NME7: variants seen among roughly 807,000 people sequenced by gnomAD.
The protein encoded by NME7 is NME/NM23 family member 7.
Under a neutral mutation model 49.1 loss-of-function variants are expected in NME7, and 41 were observed. The ratio of observed to expected loss-of-function variants is 0.83; its 90% CI spans 0.65 to 1.08. The LOEUF is 1.08. NME7 is among the 50% of genes least tolerant of loss of function. NME7 has a pLI of 0.00. For synonymous variants in NME7, 139 were observed against 150.6 expected, an observed-to-expected ratio of 0.92 and a Z score of 0.56; for missense variants, 423 against 463.4, an observed-to-expected ratio of 0.91 and a Z score of 0.80.
intron 10 of NME7, among the ~76,000 whole-genome samples, chr1:169,197,373 A>G (rs2101772391): frequency 6.6e-6 from 1 of 151,858 alleles, no homozygotes; most frequent in East Asian, 2.0e-4. Context: ...CTCTATAATC[A>G]TGACTAAAAA....
intron 7 of NME7, among the ~76,000 whole-genome samples, chr1:169,262,677 G>A (rs764014871): frequency 1.5e-5 from 2 of 133,160 alleles, no homozygotes; most frequent in Non-Finnish European, 3.5e-5. Context: ...TCTTCAACAC[G>A]GGAAAGGGTG....
chr1:169,271,246 C>CT (rs1649481854), intron 7 of NME7, among the ~76,000 whole-genome samples: 1 of 133,386 alleles, frequency 7.5e-6, no homozygotes, highest in African/African-American at 2.5e-5. Flanking sequence ...ATGACTACTA[C>CT]TTGTGCCAAG....
At chr1:169,157,066 A>G (rs1379521764) in intron 11 of NME7, among the ~76,000 whole-genome samples, 1 of 152,164 alleles carries the variant, frequency 6.6e-6, no homozygotes, top group African/African-American at 2.4e-5. Flanking sequence ...ATACATAATA[A>G]TTGTTCACAT....
intron 1 of NME7, among the ~76,000 whole-genome samples, chr1:169,355,807 T>A (rs1653451804): frequency 6.6e-6 from 1 of 152,154 alleles, no homozygotes; most frequent in Admixed American, 6.6e-5. Flanking sequence ...CCTCAAATTA[T>A]ACTACATATT....
intron 1 of NME7, among the ~76,000 whole-genome samples, chr1:169,356,591 A>AT (rs1454413337): frequency 6.6e-6 from 1 of 152,192 alleles, no homozygotes; most frequent in African/African-American, 2.4e-5. Flanking sequence ...ACTACCTCAA[A>AT]TAATTCTGAA....
At chr1:169,207,787 A>G (rs1300539024) in intron 10 of NME7, among the ~76,000 whole-genome samples, 2 of 152,118 alleles carry the variant, frequency 1.3e-5, no homozygotes, top group South Asian at 2.1e-4. Context: ...CAAAGATCTG[A>G]TGCGGTGGGG....
At chr1:169,174,843 G>A (rs1490427542) in intron 10 of NME7, among the ~76,000 whole-genome samples, 2 of 152,208 alleles carry the variant, frequency 1.3e-5, no homozygotes, top group African/African-American at 4.8e-5. Flanking sequence ...AGTGAGTGGT[G>A]AGTGAGTGTG....
intron 1 of NME7, among the ~76,000 whole-genome samples, chr1:169,362,624 C>T (rs975177169): frequency 6.6e-6 from 1 of 152,164 alleles, no homozygotes; most frequent in Non-Finnish European, 1.5e-5. Context: ...GGAAGCCTCA[C>T]CAACAGAGCA....
intron 10 of NME7, among the ~76,000 whole-genome samples, chr1:169,182,714 C>T (rs988712936): frequency 2.0e-5 from 3 of 152,200 alleles, no homozygotes; most frequent in Admixed American, 6.5e-5. Context: ...TTATATCCAA[C>T]ACACAGAATC....
intron 1 of NME7, 130 bp from the exon 2 acceptor site, chr1:169,324,630 T>C: frequency 1.7e-6 from 1 of 601,240 alleles, no homozygotes; most frequent in South Asian, 2.2e-5. Flanking sequence ...TGAATGTTTC[T>C]GCTTTTCAAC....
chr1:169,237,756 A>T lies in NME7; in HGVS notation c.755-69T>A, dbSNP rs1054733564. On this transcript the variant is annotated intron_variant, in intron 7 of 11. Transcript: ENST00000367811. ...ACATTTTAGTTTCTTAGAAATGCAA[A>T]TTTTTTATAGCAAAGTACTTTTTGT... 4.2e-6 allele frequency: 5 copies of T among 1,199,002 alleles called. No homozygotes were observed. In the African/African-American group the frequency reaches 6.1e-5, roughly 15 times the overall value. 74.3% of individuals were successfully genotyped at this position (1,199,002 alleles called of 1,614,324 possible). A position where few individuals can be genotyped will look rare whatever the true frequency, so the allele number is the denominator to read the frequency against.
At chr1:169,225,032 GAGA>G in intron 10 of NME7, among the ~76,000 whole-genome samples, 1 of 152,272 alleles carries the variant, frequency 6.6e-6, no homozygotes, top group South Asian at 2.1e-4. Flanking sequence ...AAGACAATAA[GAGA>G]AGGATATAGA....
intron 10 of NME7, among the ~76,000 whole-genome samples, chr1:169,183,888 T>C (rs1444853298): frequency 6.6e-6 from 1 of 152,186 alleles, no homozygotes; most frequent in Non-Finnish European, 1.5e-5. Context: ...TAAATCAGAA[T>C]ATGCCATTTC....
At chr1:169,317,278 C>T (rs761643326) in intron 3 of NME7, among the ~76,000 whole-genome samples, 17 of 152,186 alleles carry the variant, frequency 1.1e-4, no homozygotes, top group Non-Finnish European at 2.2e-4. Context: ...AAAGGAAATT[C>T]AACTCTAATC....
At chr1:169,304,558 G>A (rs533892528) in intron 4 of NME7, among the ~76,000 whole-genome samples, 118 of 152,060 alleles carry the variant, frequency 7.8e-4, no homozygotes, top group Admixed American at 1.8e-3. Context: ...AATTCATCCC[G>A]AGACATGGAA....
At chr1:169,178,486 T>C (rs1049569587) in intron 10 of NME7, among the ~76,000 whole-genome samples, 1 of 152,108 alleles carries the variant, frequency 6.6e-6, no homozygotes, top group Non-Finnish European at 1.5e-5. Flanking sequence ...TTCAGGATTC[T>C]AGGTATGGGA....
At chr1:169,216,453 C>T (rs1660976470) in intron 10 of NME7, among the ~76,000 whole-genome samples, 1 of 152,220 alleles carries the variant, frequency 6.6e-6, no homozygotes, top group South Asian at 2.1e-4. Context: ...AAGGGTGGTG[C>T]ACCCAGAGAC....
At chr1:169,239,436 G>C (rs577364378) in intron 7 of NME7, among the ~76,000 whole-genome samples, 1 of 152,026 alleles carries the variant, frequency 6.6e-6, no homozygotes, top group South Asian at 2.1e-4. Flanking sequence ...GAATCCAAGT[G>C]AATGGAAGAA....
chr1:169,248,913 G>A (rs1205205103), intron 7 of NME7, among the ~76,000 whole-genome samples: 5 of 150,110 alleles, frequency 3.3e-5, no homozygotes, highest in East Asian at 3.9e-4. Context: ...ATGCCTCTAC[G>A]TCTGTTTTCT....
Sources: allele counts gnomAD v4.1 joint callset (sites outside exome capture counted in the v4.1 genomes callset), GRCh38; gene constraint gnomAD v4.1.1; transcripts MANE v1.5; gene names NCBI Gene and HGNC (gene_info 2026-07-23, HGNC 2026-07-21).